The following PRKN variants were observed in gnomAD, a reference collection of about 807,000 sequenced individuals.
PRKN encodes E3 ubiquitin-protein ligase parkin.
A neutral mutation model predicts 59.5 loss-of-function variants in PRKN; 56 were observed. That is an observed-to-expected ratio of 0.94 (90% confidence interval 0.76 to 1.18). The LOEUF is 1.18. Among genes scored for constraint, PRKN ranks in the 50% most tolerant of loss-of-function variants. PRKN has a pLI of 0.00. For missense variants in PRKN, 657 were observed against 596.4 expected, an observed-to-expected ratio of 1.10 and a Z score of -1.06; for synonymous variants, 250 against 222.1, an observed-to-expected ratio of 1.13 and a Z score of -1.12.
chr6:162,679,965 T>C (rs1004007732), intron 1 of PRKN, among the ~76,000 whole-genome samples: 1 of 152,194 alleles, frequency 6.6e-6, no homozygotes, highest in Non-Finnish European at 1.5e-5. Flanking sequence ...CCCTTGCTCA[T>C]TGTTTGGGTA....
At chr6:161,595,544 G>C (rs1027377723) in intron 7 of PRKN, among the ~76,000 whole-genome samples, 6 of 152,290 alleles carry the variant, frequency 3.9e-5, no homozygotes, top group African/African-American at 7.2e-5. Flanking sequence ...TGACAACATG[G>C]TGGCCTCAAT....
At chr6:162,617,551 A>G (rs1782480441) in intron 1 of PRKN, among the ~76,000 whole-genome samples, 2 of 147,134 alleles carry the variant, frequency 1.4e-5, no homozygotes. Flanking sequence ...ATTATTAACT[A>G]TGATCAGCAT....
At chr6:162,709,463 G>A (rs1778450226) in intron 1 of PRKN, among the ~76,000 whole-genome samples, 1 of 151,698 alleles carries the variant, frequency 6.6e-6, no homozygotes, top group Non-Finnish European at 1.5e-5. Context: ...TGGACAAACA[G>A]CAGACTGACT....
intron 1 of PRKN, among the ~76,000 whole-genome samples, chr6:162,553,557 A>AAAAAAAAAAAC (rs1554242558): frequency 7.2e-6 from 1 of 138,668 alleles, no homozygotes; most frequent in Non-Finnish European, 1.6e-5. Context: ...AAAAAAAAAA[A>AAAAAAAAAAAC]CACCCTAAAG....
intron 7 of PRKN, among the ~76,000 whole-genome samples, chr6:161,656,455 C>A (rs556931695): frequency 6.6e-6 from 1 of 152,332 alleles, no homozygotes; most frequent in Admixed American, 6.5e-5. Context: ...GCTAACCCCA[C>A]AGGACAGGGG....
At chr6:162,087,887 C>T (rs1352464674) in intron 4 of PRKN, among the ~76,000 whole-genome samples, 3 of 152,058 alleles carry the variant, frequency 2.0e-5, no homozygotes, top group African/African-American at 4.8e-5. Flanking sequence ...TCACTGCGCC[C>T]GGCCAATAAT....
chr6:162,694,049 C>G (rs1184745870), intron 1 of PRKN, among the ~76,000 whole-genome samples: 1 of 152,024 alleles, frequency 6.6e-6, no homozygotes, highest in Non-Finnish European at 1.5e-5. Context: ...AGATCGAGAT[C>G]ATCCTGGCTA....
At chr6:162,665,937 C>A (rs1478055276) in intron 1 of PRKN, among the ~76,000 whole-genome samples, 1 of 152,090 alleles carries the variant, frequency 6.6e-6, no homozygotes, top group Non-Finnish European at 1.5e-5. Flanking sequence ...GGAAAAGGAT[C>A]TCCTATTCAG....
At chr6:162,416,459 C>T (rs1386025138) in intron 2 of PRKN, among the ~76,000 whole-genome samples, 1 of 152,186 alleles carries the variant, frequency 6.6e-6, no homozygotes, top group Non-Finnish European at 1.5e-5. Context: ...GAAGCAAAGT[C>T]ACTAGATTTC....
intron 9 of PRKN, among the ~76,000 whole-genome samples, chr6:161,437,766 T>C (rs879867068): frequency 3.3e-5 from 5 of 152,182 alleles, no homozygotes; most frequent in Admixed American, 3.3e-4. Flanking sequence ...TTAGTGTATC[T>C]ACTAAGCTCA....
chr6:162,274,169 ATTAAT>A (rs776362920), intron 2 of PRKN, among the ~76,000 whole-genome samples: 88 of 150,956 alleles, frequency 5.8e-4, no homozygotes, highest in Non-Finnish European at 1.0e-3. Flanking sequence ...TAATTAATTT[ATTAAT>A]TTATTAATGT....
intron 2 of PRKN, among the ~76,000 whole-genome samples, chr6:162,414,905 A>G (rs1197338392): frequency 6.6e-6 from 1 of 152,048 alleles, no homozygotes; most frequent in Non-Finnish European, 1.5e-5. Flanking sequence ...GAGGCACTGT[A>G]TATTTTTATA....
chr6:161,800,003 A>G (rs1411496105), intron 6 of PRKN, among the ~76,000 whole-genome samples: 2 of 152,330 alleles, frequency 1.3e-5, no homozygotes, highest in Admixed American at 6.5e-5. Flanking sequence ...AGGAAGCCAC[A>G]TGGGGCCTTT....
chr6:161,348,042 A>C lies in PRKN; in HGVS notation c.*2057T>G, dbSNP rs903465113. ...AGGGGATCCTAGGGTGCCTGAGCTCATGGGAGCAAACCTTGTTCAGGCACC... is the reference window on the plus strand; with the variant it reads ...AGGGGATCCTAGGGTGCCTGAGCTCCTGGGAGCAAACCTTGTTCAGGCACC... On this transcript the variant is annotated 3_prime_UTR_variant, in exon 12 of 12. Transcript: ENST00000366898. This position sits in a 1 kb window ranked among gnomAD's most constrained non-coding sequence, Gnocchi z 4.9. 3.3e-5 allele frequency: 6 copies of C among 183,804 alleles called. No homozygotes were observed. Among genetic ancestry groups the C allele is most frequent in the Non-Finnish European group, 6.9e-5 (6 of 86,650 alleles). The allele number at this position is 183,804 out of a possible 1,614,324, so 11.4% of individuals were successfully genotyped here.
intron 10 of PRKN, among the ~76,000 whole-genome samples, chr6:161,364,248 C>T (rs1582973431): frequency 6.7e-6 from 1 of 149,518 alleles, no homozygotes; most frequent in African/African-American, 2.5e-5. Context: ...ATCACCAAGT[C>T]AGGAGTTTGA....
intron 2 of PRKN, among the ~76,000 whole-genome samples, chr6:162,304,531 CTATCTAT>C: frequency 7.5e-6 from 1 of 133,246 alleles, no homozygotes; most frequent in Non-Finnish European, 1.6e-5. Flanking sequence ...ATCTATCTAT[CTATCTAT>C]CTATCTATTT....
chr6:162,148,379 G>GAAAAAA (rs60226088), intron 4 of PRKN, among the ~76,000 whole-genome samples: 1 of 150,716 alleles, frequency 6.6e-6, no homozygotes. Context: ...CTAAGAGCTT[G>GAAAAAA]AAAAAAAAAG....
At chr6:162,157,462 T>C (rs981911237) in intron 4 of PRKN, among the ~76,000 whole-genome samples, 4 of 151,844 alleles carry the variant, frequency 2.6e-5, no homozygotes, top group African/African-American at 9.7e-5. Flanking sequence ...TCTAGAAATA[T>C]AAATTTGCCA....
intron 5 of PRKN, among the ~76,000 whole-genome samples, chr6:162,014,924 G>A (rs1017704006): frequency 6.6e-6 from 1 of 151,732 alleles, no homozygotes; most frequent in South Asian, 2.1e-4. Flanking sequence ...GTACTCTCCC[G>A]GTTTAGGCAA....
Sources: allele counts gnomAD v4.1 joint callset (sites outside exome capture counted in the v4.1 genomes callset), GRCh38; gene constraint gnomAD v4.1.1; non-coding constraint Gnocchi (gnomAD v3.1); transcripts MANE v1.5; gene names NCBI Gene and HGNC (gene_info 2026-07-23, HGNC 2026-07-21).